Variants in GON4L observed in about 807,000 individuals in gnomAD.
GON4L encodes gon-4 like, also known as GON-4-like protein.
GON4L carries 87 observed loss-of-function variants against 211.8 expected under a neutral mutation model. The observed-to-expected ratio is 0.41, with a 90% CI of 0.35 to 0.49. The LOEUF (loss-of-function observed/expected upper bound fraction) is 0.49. Among genes scored for constraint, GON4L ranks in the 20% least tolerant of loss-of-function variants. The probability of loss-of-function intolerance (pLI) is 0.15; values close to 1 mark genes in which losing one functional copy is unlikely to be tolerated. For missense variants in GON4L, 2,155 were observed against 2,659.5 expected (o/e 0.81, Z 4.17); for synonymous variants, 875 against 962.6 (o/e 0.91, Z 1.68).
chr1:155,824,404 A>C (rs1169501267), intron 3 of GON4L, among the ~76,000 whole-genome samples: 1 of 139,628 alleles, frequency 7.2e-6, no homozygotes, highest in Non-Finnish European at 1.5e-5. Flanking sequence ...ATTGCACTCC[A>C]GCCTGGGTGA....
At chr1:155,791,838 A>C (rs1350072709) in intron 12 of GON4L, among the ~76,000 whole-genome samples, 1 of 152,062 alleles carries the variant, frequency 6.6e-6, no homozygotes, top group Non-Finnish European at 1.5e-5. Flanking sequence ...ATTGCACTCC[A>C]GCCTGGGCGA....
At chr1:155,773,336 C>T (rs2101817585) in intron 17 of GON4L, 126 bp from the exon 18 acceptor site, 1 of 996,534 alleles carries the variant, frequency 1.0e-6, no homozygotes, top group Admixed American at 2.3e-5. Flanking sequence ...CTCCCATCTG[C>T]CCACCATCCC....
At chr1:155,808,428 C>T (rs1677764972) in intron 10 of GON4L, among the ~76,000 whole-genome samples, 1 of 152,140 alleles carries the variant, frequency 6.6e-6, no homozygotes, top group Admixed American at 6.6e-5. Context: ...TCTCTGACCT[C>T]ATTTCTACCT....
At chr1:155,784,301 C>A in intron 13 of GON4L, 1 of 473,962 alleles carries the variant, frequency 2.1e-6, no homozygotes, top group East Asian at 4.7e-5. Context: ...TTCAACCAGT[C>A]AACTTGTAAC....
chr1:155,840,430 A>G (rs1228335960), intron 2 of GON4L, among the ~76,000 whole-genome samples: 1 of 152,124 alleles, frequency 6.6e-6, no homozygotes, highest in African/African-American at 2.4e-5. Flanking sequence ...TGCCCCCAGA[A>G]TCGAATCCTA....
chr1:155,777,870 A>G (rs772187720), intron 14 of GON4L, 50 bp from the exon 15 acceptor site: 6 of 1,087,154 alleles, frequency 5.5e-6, no homozygotes, highest in Non-Finnish European at 7.1e-6. Context: ...GTAGGTCCAC[A>G]ACACATCCAA....
Position 155,762,045 on chromosome 1 carries a change from G to C in GON4L, c.4911+145C>G, listed in dbSNP as rs1661861193. On this transcript the variant is annotated intron_variant, in intron 23 of 31. Coordinates refer to ENST00000368331, the MANE Select transcript of GON4L (RefSeq NM_001282860.2). ...TGTCTCCTTGTGGTTCTGTCACAGA[G>C]ATCTTTTGCCAGAAAAGCCAAGATA... 4.8e-6 allele frequency: 3 copies of C among 624,750 alleles called. No individual in the cohort carries two copies. The Admixed American group carries it at 8.2e-5, about 17-fold the overall frequency. 38.7% of individuals were successfully genotyped at this position (624,750 alleles called of 1,614,324 possible).
chr1:155,798,610 G>A (rs996873016), intron 11 of GON4L, among the ~76,000 whole-genome samples: 24 of 129,774 alleles, frequency 1.8e-4, no homozygotes, highest in Admixed American at 1.1e-3. Flanking sequence ...TAGTAGAGAC[G>A]GGGTTTCACT....
chr1:155,766,212 C>T lies in GON4L; in HGVS notation c.3261G>A (p.Glu1087=). 6.2e-7 allele frequency: 1 copy of T among 1,614,158 alleles called. No homozygotes were observed. Among genetic ancestry groups the T allele is most frequent in the Non-Finnish European group, 8.5e-7 (1 of 1,180,034 alleles). The change falls in exon 21 of 32, where the codon GAG becomes GAA. Residue 1087 remains glutamate, a synonymous_variant. Transcript: ENST00000368331. Reference sequence around the variant, plus strand: ...GGGCAGAAGAGAGCAAAGTCTGGGACTCAGACAGAGGGAAGCTTGTCCTGG... The same window carrying T: ...GGGCAGAAGAGAGCAAAGTCTGGGATTCAGACAGAGGGAAGCTTGTCCTGG... The part of the protein sequence containing the change: ...PEARTSFPLS[E]SQTLLSSAPV...
chr1:155,822,701 G>A (rs1158902104), intron 3 of GON4L, among the ~76,000 whole-genome samples: 3 of 152,206 alleles, frequency 2.0e-5, no homozygotes, highest in African/African-American at 7.2e-5. Context: ...GTTTGAGAAA[G>A]GGGGATAGCA....
In GON4L at chr1:155,771,165, G is replaced by T; in HGVS notation, c.2548C>A (p.Leu850Ile). Residue 850 changes from leucine (L) to isoleucine (I), a missense_variant, in exon 19 of 32, where the codon CTA (leucine) becomes ATA (isoleucine). Transcript: ENST00000368331. ...HFEGTEFPNP[L>I]ISKYLLTCKT... is the part of the protein sequence containing the mutation. Reference sequence around the variant, plus strand: ...CAGGTTAGAAGGTACTTGCTGATTAGAGGATTAGGAAACTCAGTTCCTTCA... The same window carrying T: ...CAGGTTAGAAGGTACTTGCTGATTATAGGATTAGGAAACTCAGTTCCTTCA... The T allele has an allele frequency of 6.2e-7, 1 of 1,614,220 alleles. No homozygotes were observed. Among genetic ancestry groups the T allele is most frequent in the Non-Finnish European group, 8.5e-7 (1 of 1,180,036 alleles).
chr1:155,766,637 C>T lies in GON4L; in HGVS notation c.2836G>A (p.Gly946Arg), dbSNP rs1395593860. 23 of 1,614,136 alleles carry T rather than the reference C, an allele frequency of 1.4e-5. No homozygotes were observed. The highest frequency in any genetic ancestry group is 1.9e-5 in the Non-Finnish European group (23 of 1,180,030). The change falls in exon 21 of 32, where the codon GGA becomes AGA. Residue 946 changes from glycine to arginine, a missense_variant. Coordinates refer to ENST00000368331, the MANE Select transcript of GON4L (RefSeq NM_001282860.2). ...CGATCTGAGTTGATCTCAGTGGTTC[C>T]AGTCATATTTCCTACCTCTCTAGCA... Reference protein sequence around the residue: ...DGAREVGNMTGTTEINSDRSL... With the variant: ...DGAREVGNMTRTTEINSDRSL...
At chr1:155,828,267 T>C (rs1479461162) in intron 2 of GON4L, among the ~76,000 whole-genome samples, 2 of 151,848 alleles carry the variant, frequency 1.3e-5, no homozygotes, top group Non-Finnish European at 2.9e-5. Flanking sequence ...GGCAGGCAGA[T>C]CACTTGAGGT....
At chr1:155,780,542 G>A (rs1261707105) in intron 14 of GON4L, among the ~76,000 whole-genome samples, 2 of 152,028 alleles carry the variant, frequency 1.3e-5, no homozygotes, top group South Asian at 2.1e-4. Context: ...GCAGTGAGCC[G>A]AGATCGCGCC....
At chr1:155,768,177 C>T (rs1051758897) in intron 19 of GON4L, among the ~76,000 whole-genome samples, 4 of 152,056 alleles carry the variant, frequency 2.6e-5, no homozygotes, top group African/African-American at 7.2e-5. Context: ...GTGGCACGCA[C>T]CTGTAATCCC....
At chr1:155,806,165 T>C (rs1424175566) in intron 10 of GON4L, among the ~76,000 whole-genome samples, 1 of 151,546 alleles carries the variant, frequency 6.6e-6, no homozygotes, top group East Asian at 1.9e-4. Flanking sequence ...TTTTTTTTTT[T>C]TTTTTTAGAT....
intron 27 of GON4L, among the ~76,000 whole-genome samples, chr1:155,754,795 C>G (rs866220202): frequency 1.9e-4 from 29 of 151,544 alleles, no homozygotes; most frequent in Admixed American, 5.3e-4. Flanking sequence ...TCCCAAAGTG[C>G]TAGGATTACA....
At chr1:155,785,449 G>T in intron 12 of GON4L, 75 bp from the exon 13 acceptor site, 2 of 955,480 alleles carry the variant, frequency 2.1e-6, no homozygotes, top group Non-Finnish European at 3.4e-6. Context: ...TGAAGACAAT[G>T]TATAATGTTT....
intron 8 of GON4L, among the ~76,000 whole-genome samples, chr1:155,815,172 C>T (rs1307399034): frequency 1.3e-5 from 2 of 152,000 alleles, no homozygotes; most frequent in Non-Finnish European, 2.9e-5. Context: ...AAGTGTAAGG[C>T]CTTGGTCTAA....
Sources: gnomAD v4.1 joint callset for allele counts (sites outside exome capture counted in the v4.1 genomes callset) on GRCh38, gnomAD v4.1.1 for gene constraint, MANE v1.5 for transcripts, NCBI Gene and HGNC (gene_info 2026-07-23, HGNC 2026-07-21) for gene names.